Variants in PARP8 observed in about 807,000 individuals in gnomAD.
The protein encoded by PARP8 is poly(ADP-ribose) polymerase family member 8.
Under a neutral mutation model 124.1 loss-of-function variants are expected in PARP8, and 51 were observed. That is an observed-to-expected ratio of 0.41 (90% CI 0.33 to 0.52). The LOEUF is 0.52. Among genes scored for constraint, PARP8 ranks in the 20% least tolerant of loss-of-function variants. The pLI, the probability that PARP8 is intolerant of heterozygous loss-of-function variation, is 0.21. For missense variants in PARP8, 860 were observed against 1,018.9 expected, an observed-to-expected ratio of 0.84 and a Z score of 2.12; for synonymous variants, 391 against 361.5, an observed-to-expected ratio of 1.08 and a Z score of -0.93.
chr5:50,777,046 C>T (rs1455911043), intron 7 of PARP8, among the ~76,000 whole-genome samples: 1 of 152,138 alleles, frequency 6.6e-6, no homozygotes, highest in East Asian at 1.9e-4. Flanking sequence ...ATGAGATCAT[C>T]CATTAATGCT....
chr5:50,703,729 A>G (rs549747976), intron 2 of PARP8, among the ~76,000 whole-genome samples: 1 of 152,182 alleles, frequency 6.6e-6, no homozygotes, highest in East Asian at 1.9e-4. Flanking sequence ...TGGGCAATGC[A>G]GGGAGACCCT....
chr5:50,822,838 A>T (rs1745914760), intron 17 of PARP8, among the ~76,000 whole-genome samples: 1 of 152,208 alleles, frequency 6.6e-6, no homozygotes, highest in African/African-American at 2.4e-5. Context: ...GGAAGATGCC[A>T]GGCTCCCGGA....
At chr5:50,707,979 A>G (rs568770128) in intron 2 of PARP8, among the ~76,000 whole-genome samples, 1 of 152,206 alleles carries the variant, frequency 6.6e-6, no homozygotes, top group South Asian at 2.1e-4. Flanking sequence ...TGGTTGCATC[A>G]CTAATCAGCA....
intron 9 of PARP8, among the ~76,000 whole-genome samples, chr5:50,785,026 A>G (rs1217867610): frequency 6.6e-6 from 1 of 151,902 alleles, no homozygotes; most frequent in Non-Finnish European, 1.5e-5. Context: ...TCATTAATAC[A>G]TTGAATATAA....
chr5:50,687,280 C>A (rs189830151), intron 2 of PARP8, among the ~76,000 whole-genome samples: 1 of 152,184 alleles, frequency 6.6e-6, no homozygotes, highest in Non-Finnish European at 1.5e-5. Context: ...TTTGCTAAAA[C>A]GTAACGAGTC....
At chr5:50,683,290 A>G (rs144912415) in intron 2 of PARP8, among the ~76,000 whole-genome samples, 64 of 152,296 alleles carry the variant, frequency 4.2e-4, no homozygotes, top group Non-Finnish European at 7.8e-4. Flanking sequence ...CCCTTTGGCT[A>G]TTTGACAAGG....
rs1741574165 is a variant in PARP8, at chr5:50,788,547, T to C, written c.695T>C (p.Ile232Thr). ...GPVPTVDVFQ[I>T]STKERFGLGH... ...GTGCCCACTGTTGATGTCTTTCAGA[T>C]TTCCACAAAAGAGCGATTTGGATTG... The change falls in exon 10 of 26, where the codon ATT becomes ACT. Residue 232 changes from isoleucine to threonine, a missense_variant. Ile to Thr is a moderately conservative substitution (Grantham distance 89). Transcript: ENST00000281631. The C allele has an allele frequency of 6.2e-7, 1 of 1,613,380 alleles. No individual in the cohort carries two copies. The highest frequency in any genetic ancestry group is 1.3e-5 in the African/African-American group (1 of 74,868).
intron 14 of PARP8, among the ~76,000 whole-genome samples, chr5:50,810,611 C>CATCT (rs1388936204): frequency 2.6e-5 from 4 of 152,004 alleles, no homozygotes; most frequent in African/African-American, 9.7e-5. Flanking sequence ...GCGAGAGAGA[C>CATCT]ATCTAATCAC....
chr5:50,825,046 C>A, intron 18 of PARP8, 71 bp downstream of exon 18: 2 of 1,275,418 alleles, frequency 1.6e-6, no homozygotes, highest in Non-Finnish European at 2.3e-6. Flanking sequence ...GGAAAAAAAC[C>A]AAACAAACAA....
At chr5:50,810,328 TATAAC>T (rs1466460679) in intron 14 of PARP8, among the ~76,000 whole-genome samples, 2 of 152,056 alleles carry the variant, frequency 1.3e-5, no homozygotes, top group Non-Finnish European at 2.9e-5. Flanking sequence ...TAATAAGTAA[TATAAC>T]ATTTGGTTTT....
rs139573259 is a variant in PARP8, at chr5:50,800,673, C to CAAA, written c.1575+3440_1575+3441insAAA. Among the ~76,000 whole-genome samples, 163 of 150,172 alleles carry CAAA rather than the reference C, an allele frequency of 1.1e-3. 2 individuals carry two copies. The East Asian group carries it at 0.029, about 27-fold the overall frequency. On this transcript the variant is annotated intron_variant, in intron 14 of 25. Coordinates refer to ENST00000281631, the MANE Select transcript of PARP8 (RefSeq NM_024615.4). ...TGTCTCTTGATATTACTATGTTTTTCTTTTATGCTATTAATATGATGTATT... is the reference window on the plus strand; with the variant it reads ...TGTCTCTTGATATTACTATGTTTTTCAAATTTTATGCTATTAATATGATGTATT...
At chr5:50,689,941 G>T (rs1029780333) in intron 2 of PARP8, among the ~76,000 whole-genome samples, 1 of 152,140 alleles carries the variant, frequency 6.6e-6, no homozygotes, top group Non-Finnish European at 1.5e-5. Flanking sequence ...TGTACCTCAC[G>T]TCCATTCTTG....
At chr5:50,731,889 A>G (rs1186115594) in intron 2 of PARP8, among the ~76,000 whole-genome samples, 1 of 152,234 alleles carries the variant, frequency 6.6e-6, no homozygotes, top group Non-Finnish European at 1.5e-5. Context: ...ATGAGATTAT[A>G]TAAAGTTTGC....
chr5:50,833,856 C>T (rs1446430455), intron 23 of PARP8, 123 bp from the exon 24 acceptor site: 17 of 667,954 alleles, frequency 2.5e-5, no homozygotes, highest in Admixed American at 2.7e-5. Context: ...TGATGCTAGT[C>T]TAGATAGGCT....
At chr5:50,756,159 T>A (rs1158951212) in intron 3 of PARP8, among the ~76,000 whole-genome samples, 1 of 152,106 alleles carries the variant, frequency 6.6e-6, no homozygotes, top group Non-Finnish European at 1.5e-5. Flanking sequence ...TTTTGCTAAT[T>A]GAATACCCTT....
At chr5:50,764,098 T>C (rs1760827681) in intron 7 of PARP8, among the ~76,000 whole-genome samples, 1 of 152,244 alleles carries the variant, frequency 6.6e-6, no homozygotes, top group South Asian at 2.1e-4. Flanking sequence ...TGAGCCTTCT[T>C]GGAATCTCCA....
intron 2 of PARP8, among the ~76,000 whole-genome samples, chr5:50,720,120 AT>A (rs1445382088): frequency 6.6e-6 from 1 of 152,072 alleles, no homozygotes; most frequent in East Asian, 1.9e-4. Flanking sequence ...ATCTTCCTTT[AT>A]TGCTTCTTAT....
intron 3 of PARP8, among the ~76,000 whole-genome samples, chr5:50,756,820 A>G (rs1288617369): frequency 6.6e-6 from 1 of 152,122 alleles, no homozygotes; most frequent in Admixed American, 6.6e-5. Flanking sequence ...TTTAGCTAAC[A>G]TCTTGCTGTG....
intron 2 of PARP8, chr5:50,669,244 A>G (rs1749721427): frequency 1.3e-5 from 2 of 152,252 alleles, no homozygotes; most frequent in Non-Finnish European, 2.9e-5. Context: ...AGAGAATGAA[A>G]TTACAGTATT....
Sources: allele counts gnomAD v4.1 joint callset (sites outside exome capture counted in the v4.1 genomes callset), GRCh38; gene constraint gnomAD v4.1.1; transcripts MANE v1.5; gene names NCBI Gene and HGNC (gene_info 2026-07-23, HGNC 2026-07-21).